The following NPHS1 variants were observed in gnomAD, a reference collection of about 807,000 sequenced individuals.
NPHS1 encodes the protein nephrin.
In NPHS1, 107 loss-of-function variants were observed where a neutral mutation model predicts 139.7. The observed-to-expected ratio is 0.77, with a 90% CI of 0.66 to 0.90. The LOEUF (loss-of-function observed/expected upper bound fraction) is 0.90. Among genes scored for constraint, NPHS1 ranks in the 40% least tolerant of loss-of-function variants. The probability of loss-of-function intolerance (pLI) is 0.00; values close to 1 mark genes in which losing one functional copy is unlikely to be tolerated. For missense variants in NPHS1, 1,580 were observed against 1,654.2 expected (o/e 0.96, Z 0.78); for synonymous variants, 707 against 706.6 (o/e 1.00, Z -0.01).
chr19:35,841,695 C>A lies in NPHS1; in HGVS notation c.2815+20G>T. 6.2e-7 allele frequency: 1 copy of A among 1,614,068 alleles called. No individual in the cohort carries two copies. The highest frequency in any genetic ancestry group is 8.5e-7 in the Non-Finnish European group (1 of 1,179,932). On this transcript the variant is annotated intron_variant, in intron 20 of 28. Coordinates refer to ENST00000378910, the MANE Select transcript of NPHS1 (RefSeq NM_004646.4). ...TCCAGGGAGCACCCCCTCCCCAACA[C>A]CCTCACAGCCCCTCCATACTGATGC...
rs1000712587 is a variant in NPHS1 at position 35,851,040 on chromosome 19, G to C, written c.447C>G (p.Thr149=). The C allele has an allele frequency of 6.2e-7, 1 of 1,614,108 alleles. No homozygotes were observed. Among genetic ancestry groups the C allele is most frequent in the African/African-American group, 1.3e-5 (1 of 74,952 alleles). The change falls in exon 4 of 29, where the codon ACC becomes ACG. Residue 149 remains threonine, a synonymous_variant. Transcript: ENST00000378910. ...LLTPEAGTMV[T]WVAGQEYVVN... ...CCACGTACTCCTGCCCAGCTACCCA[G>C]GTGACCATGGTGCCTGCCTCTGGGG...
intron 19 of NPHS1, 98 bp from the exon 20 acceptor site, chr19:35,841,964 A>G: frequency 1.1e-5 from 16 of 1,435,440 alleles, no homozygotes; most frequent in Non-Finnish European, 1.5e-5. Flanking sequence ...CCGTCTGCCT[A>G]TCTATCCATT....
intron 26 of NPHS1, 69 bp downstream of exon 26, chr19:35,831,227 T>G: frequency 6.2e-6 from 10 of 1,608,156 alleles, no homozygotes; most frequent in Non-Finnish European, 8.5e-6. Context: ...ATCAACCTGA[T>G]GCTAACGGCA....
intron 22 of NPHS1, among the ~76,000 whole-genome samples, chr19:35,836,255 G>A (rs1306997340): frequency 1.4e-5 from 2 of 145,942 alleles, no homozygotes; most frequent in African/African-American, 5.3e-5. Context: ...CACTGCGCCT[G>A]GCCATTTTTT....
intron 6 of NPHS1, 67 bp downstream of exon 6, chr19:35,849,483 T>G: frequency 6.3e-7 from 1 of 1,597,076 alleles, no homozygotes; most frequent in East Asian, 2.2e-5. Flanking sequence ...ATCCCTGTGA[T>G]CCCCCCACAC....
Position 35,851,009 on chromosome 19 carries a change from A to G in NPHS1, c.478T>C (p.Cys160Arg). Residue 160 changes from cysteine (C) to arginine (R), a missense_variant, in exon 4 of 29, where the codon TGT (cysteine) becomes CGT (arginine). Cys to Arg is a radical substitution (Grantham distance 180). Transcript: ENST00000378910. ...WVAGQEYVVN[C>R]VSGDAKPAPD... ...GCTGGCTTCGCGTCCCCAGACACAC[A>G]GTTGACCACGTACTCCTGCCCAGCT... 1 of 1,614,082 alleles carries G rather than the reference A, an allele frequency of 6.2e-7. No individual in the cohort carries two copies. The highest frequency in any genetic ancestry group is 1.1e-5 in the South Asian group (1 of 91,064).
In NPHS1 at chr19:35,849,562, C is replaced by T. The variant is rs375056692; in HGVS notation, c.700G>A (p.Val234Met). The T allele has an allele frequency of 1.7e-5, 27 of 1,613,636 alleles. No individual in the cohort carries two copies. Among genetic ancestry groups the T allele is most frequent in the African/African-American group, 8.0e-5 (6 of 74,918 alleles). ...GTTCTCCACTTACACAGAACATTCA[C>T]GGTGAATGAGGCCTTGATGGGGGCC... The part of the protein sequence containing the change: ...LEAPIKASFT[V>M]NVLFPPGPPV... The change falls in exon 6 of 29, where the codon GTG becomes ATG. Residue 234 changes from valine (V) to methionine (M), a missense_variant. Val to Met is a conservative substitution (Grantham distance 21). Coordinates refer to ENST00000378910, the MANE Select transcript of NPHS1 (RefSeq NM_004646.4).
intron 11 of NPHS1, 164 bp downstream of exon 11, chr19:35,847,877 T>C (rs951652346): frequency 1.7e-5 from 12 of 686,840 alleles, no homozygotes; most frequent in Admixed American, 6.0e-5. Flanking sequence ...TTAATTCTCA[T>C]AGCATTTGTG....
chr19:35,828,403 T>C (rs1252198940), intron 28 of NPHS1, among the ~76,000 whole-genome samples: 1 of 152,142 alleles, frequency 6.6e-6, no homozygotes, highest in African/African-American at 2.4e-5. Context: ...TAGGTGGGAC[T>C]ACAGGCGCCA....
Position 35,849,459 on chromosome 19 carries a change from C to A in NPHS1, c.712+91G>T, listed in dbSNP as rs1300748175. The A allele has an allele frequency of 3.1e-6, 5 of 1,596,418 alleles. No individual in the cohort carries two copies. In the Admixed American group the frequency reaches 8.5e-5, roughly 27 times the overall value. On this transcript the variant is annotated intron_variant, in intron 6 of 28. Transcript: ENST00000378910. The stretch of plus-strand genomic sequence containing the variant: ...TTGAACCCCCATGTTTCTCTGAGTG[C>A]CTGAATTTCCATAATCCCTGTGATC...
At chr19:35,839,206 T>C (rs368968357) in intron 22 of NPHS1, 31 bp downstream of exon 22, 2 of 1,608,780 alleles carry the variant, frequency 1.2e-6, no homozygotes, top group African/African-American at 2.7e-5. Flanking sequence ...CTCTGAGGAA[T>C]ACTCCAACCT....
intron 16 of NPHS1, 100 bp downstream of exon 16, chr19:35,844,003 G>A: frequency 6.7e-7 from 1 of 1,499,144 alleles, no homozygotes; most frequent in Non-Finnish European, 9.1e-7. Flanking sequence ...TTCCAGGATG[G>A]GTGGCTATCC....
At chr19:35,849,501 T>G in intron 6 of NPHS1, 49 bp downstream of exon 6, 1 of 1,594,372 alleles carries the variant, frequency 6.3e-7, no homozygotes, top group Non-Finnish European at 8.6e-7. Context: ...CACCCCCCAG[T>G]GCCTGCTCCC....
rs531224038 is a variant in NPHS1, at chr19:35,849,100, C to T, written c.888G>A (p.Ala296=). The T allele has an allele frequency of 1.8e-4, 289 of 1,609,614 alleles. 3 individuals carry two copies. The highest frequency in any genetic ancestry group is 6.0e-4 in the South Asian group (55 of 91,074). ...STAWGTEHTQ[A]VARSVLVMTV... is the part of the protein sequence containing the mutation. ...TCATCACCAGCACACTGCGGGCCACCGCCTGGGTGTGCTCTGTGCCCCACG... is the reference window on the plus strand; with the variant it reads ...TCATCACCAGCACACTGCGGGCCACTGCCTGGGTGTGCTCTGTGCCCCACG... The change falls in exon 8 of 29, where the codon GCG becomes GCA. Residue 296 remains alanine (A), a synonymous_variant. Transcript: ENST00000378910.
chr19:35,848,542 G>A, intron 9 of NPHS1, 95 bp downstream of exon 9: 2 of 1,580,674 alleles, frequency 1.3e-6, no homozygotes, highest in Non-Finnish European at 8.6e-7. Flanking sequence ...CAAGGAGAAA[G>A]CCCCCCAGGC....
chr19:35,832,284 C>T (rs1294435997), intron 23 of NPHS1, among the ~76,000 whole-genome samples: 1 of 152,162 alleles, frequency 6.6e-6, no homozygotes, highest in Non-Finnish European at 1.5e-5. Flanking sequence ...CAGCACATGC[C>T]TGTAATCCCA....
intron 23 of NPHS1, among the ~76,000 whole-genome samples, chr19:35,835,411 C>T (rs754439639): frequency 2.0e-5 from 3 of 150,006 alleles, no homozygotes; most frequent in African/African-American, 4.9e-5. Context: ...GCAATCCTCC[C>T]ACCTCAGCCT....
chr19:35,849,343 T>A lies in NPHS1; in HGVS notation c.733A>T (p.Ile245Phe), dbSNP rs370046047. ...NVLFPPGPPV[I>F]EWPGLDEGHV... ...CCCTCATCCAGGCCTGGCCACTCGA[T>A]GACAGGGGGTCCTGGAGGGACTGGG... The change falls in exon 7 of 29, where the codon ATC becomes TTC. Residue 245 changes from isoleucine to phenylalanine, a missense_variant. By Grantham distance (21) the Ile-to-Phe change is conservative. Transcript: ENST00000378910. 2 of 1,612,408 alleles carry A rather than the reference T, an allele frequency of 1.2e-6. No individual in the cohort carries two copies. The highest frequency in any genetic ancestry group is 2.2e-5 in the East Asian group (1 of 44,878).
In NPHS1 at chr19:35,826,122, T is replaced by C; in HGVS notation, c.*392A>G. On this transcript the variant is annotated 3_prime_UTR_variant, in exon 29 of 29. Transcript: ENST00000378910. ...CACTACTCCTGGCTAATTTTTTATA[T>C]TTTTAGTAGAAATGGAGTTTTACCA... The C allele has an allele frequency of 8.8e-6, 2 of 226,778 alleles. No individual in the cohort carries two copies. Among genetic ancestry groups the C allele is most frequent in the Non-Finnish European group, 1.8e-5 (2 of 110,806 alleles). The allele number at this position is 226,778 out of a possible 1,614,324, so 14.0% of individuals were successfully genotyped here.
Sources: gnomAD v4.1 joint callset for allele counts (sites outside exome capture counted in the v4.1 genomes callset) on GRCh38, gnomAD v4.1.1 for gene constraint, MANE v1.5 for transcripts, NCBI Gene and HGNC (gene_info 2026-07-23, HGNC 2026-07-21) for gene names.